Variants in ERBB4 observed in about 807,000 individuals in gnomAD.
The protein encoded by ERBB4 is receptor tyrosine-protein kinase erbB-4.
A neutral mutation model predicts 158.0 loss-of-function variants in ERBB4; 42 were observed. That is an observed-to-expected ratio of 0.27 (90% CI 0.21 to 0.34). The LOEUF (loss-of-function observed/expected upper bound fraction) is 0.34, where lower values mean the gene tolerates loss of function less well. Among genes scored for constraint, ERBB4 ranks in the 10% least tolerant of loss-of-function variants. The pLI is 1.00. For synonymous variants in ERBB4, 583 were observed against 558.7 expected (o/e 1.04, Z -0.61); for missense variants, 1,333 against 1,624.1 (o/e 0.82, Z 3.08).
chr2:212,512,835 C>G (rs1691601218), intron 1 of ERBB4, among the ~76,000 whole-genome samples: 1 of 152,186 alleles, frequency 6.6e-6, no homozygotes, highest in African/African-American at 2.4e-5. Flanking sequence ...AGAAAAGCCC[C>G]TAGCAGAACA....
intron 20 of ERBB4, among the ~76,000 whole-genome samples, chr2:211,477,988 G>A (rs940032907): frequency 6.6e-6 from 1 of 152,134 alleles, no homozygotes; most frequent in Non-Finnish European, 1.5e-5. Flanking sequence ...AACCAGTTAA[G>A]GCAATATTCC....
intron 2 of ERBB4, among the ~76,000 whole-genome samples, chr2:212,037,935 G>C (rs2077052436): frequency 6.6e-6 from 1 of 152,120 alleles, no homozygotes; most frequent in South Asian, 2.1e-4. Flanking sequence ...ATGATTCTTA[G>C]AATCTCAGGG....
At chr2:212,124,960 T>C (rs1415337014) in intron 1 of ERBB4, 57 bp from the exon 2 acceptor site, 4 of 1,567,820 alleles carry the variant, frequency 2.6e-6, no homozygotes, top group African/African-American at 1.4e-5. Context: ...ATATGCGCAA[T>C]GATAATATCT....
chr2:211,565,756 T>C (rs2067527581), intron 19 of ERBB4, among the ~76,000 whole-genome samples: 1 of 152,044 alleles, frequency 6.6e-6, no homozygotes, highest in African/African-American at 2.4e-5. Flanking sequence ...ACATTTTATT[T>C]TTTCAGTAAG....
Position 212,531,010 on chromosome 2 carries a change from T to C in ERBB4, c.82+7439A>G, listed in dbSNP as rs148453699. On this transcript the variant is annotated intron_variant, in intron 1 of 27. Transcript: ENST00000342788. Reference sequence around the variant, plus strand: ...GAAACTGGATCTTGCATATTCCTATTGGTGTTTAGTACGCTTCAGTAACCC... The same window carrying C: ...GAAACTGGATCTTGCATATTCCTATCGGTGTTTAGTACGCTTCAGTAACCC... 1.6e-3 allele frequency among the ~76,000 whole-genome samples: 239 copies of C among 152,318 alleles called. 3 individuals carry two copies. Among genetic ancestry groups the C allele is most frequent in the East Asian group, 9.8e-3 (51 of 5,182 alleles).
chr2:212,438,569 C>A (rs1431320536), intron 1 of ERBB4, among the ~76,000 whole-genome samples: 1 of 151,978 alleles, frequency 6.6e-6, no homozygotes, highest in Non-Finnish European at 1.5e-5. Flanking sequence ...TGAATAAACA[C>A]ATACATAAAA....
At chr2:211,493,161 AT>A (rs1210043136) in intron 20 of ERBB4, among the ~76,000 whole-genome samples, 1 of 151,958 alleles carries the variant, frequency 6.6e-6, no homozygotes, top group East Asian at 1.9e-4. Flanking sequence ...GCTTCGAACC[AT>A]TTTTTTCCTT....
chr2:211,658,443 G>A (rs577079304), intron 15 of ERBB4, among the ~76,000 whole-genome samples: 244 of 152,050 alleles, frequency 1.6e-3, no homozygotes, highest in African/African-American at 5.5e-3. Flanking sequence ...GATGCTCAAT[G>A]CTCATTAAAG....
chr2:211,920,117 CT>C (rs1380201668), intron 3 of ERBB4, among the ~76,000 whole-genome samples: 1 of 151,898 alleles, frequency 6.6e-6, no homozygotes, highest in Non-Finnish European at 1.5e-5. Context: ...AAAAATGCAA[CT>C]GACATAAGCA....
At position 211,743,565 on chromosome 2, in the gene ERBB4, T is replaced by G. The variant is rs576076607; in HGVS notation, c.622+7074A>C. Among the ~76,000 whole-genome samples, 3 of 152,328 alleles carry G rather than the reference T, an allele frequency of 2.0e-5. No homozygotes were observed. The South Asian group carries it at 6.2e-4, about 32-fold the overall frequency. ...ACTTTGTTTCTTTAATCATTATTAT[T>G]TATTTCTTAAACCTTAGTCTCTCTC... On this transcript the variant is annotated intron_variant, in intron 5 of 27. Transcript: ENST00000342788.
intron 3 of ERBB4, among the ~76,000 whole-genome samples, chr2:211,895,256 T>G (rs1242778702): frequency 6.6e-6 from 1 of 152,070 alleles, no homozygotes; most frequent in Non-Finnish European, 1.5e-5. Flanking sequence ...ATGGTCCCCT[T>G]ATCTTTTTTG....
intron 2 of ERBB4, among the ~76,000 whole-genome samples, chr2:212,021,359 G>C (rs994558690): frequency 6.6e-5 from 10 of 152,004 alleles, no homozygotes; most frequent in Non-Finnish European, 1.5e-4. Context: ...CATGGTACTG[G>C]TATAAAAACA....
intron 16 of ERBB4, among the ~76,000 whole-genome samples, chr2:211,652,463 T>C (rs1014075738): frequency 2.6e-5 from 4 of 152,124 alleles, no homozygotes; most frequent in African/African-American, 4.8e-5. Context: ...TGGACATGAG[T>C]TATGAACTTA....
At chr2:212,003,204 AG>A (rs1559293787) in intron 2 of ERBB4, among the ~76,000 whole-genome samples, 27 of 48,800 alleles carry the variant, frequency 5.5e-4, no homozygotes, top group African/African-American at 1.4e-3. Context: ...AAAGAAAGAA[AG>A]ACAGAAAGAA....
chr2:212,197,444 C>T (rs970412014), intron 1 of ERBB4, among the ~76,000 whole-genome samples: 1 of 152,094 alleles, frequency 6.6e-6, no homozygotes. Context: ...TTAACCCTAA[C>T]CACACACTTA....
chr2:212,335,855 C>T (rs980163246), intron 1 of ERBB4, among the ~76,000 whole-genome samples: 1 of 151,954 alleles, frequency 6.6e-6, no homozygotes, highest in African/African-American at 2.4e-5. Context: ...TTTTAATAGG[C>T]ATTTCATGAA....
chr2:211,975,029 G>T (rs1421500023), intron 2 of ERBB4, among the ~76,000 whole-genome samples: 1 of 151,836 alleles, frequency 6.6e-6, no homozygotes, highest in Non-Finnish European at 1.5e-5. Flanking sequence ...TGTCACTCAG[G>T]CTGGACTGCA....
intron 20 of ERBB4, among the ~76,000 whole-genome samples, chr2:211,497,173 AAT>A (rs2065490066): frequency 6.6e-6 from 1 of 152,098 alleles, no homozygotes; most frequent in Non-Finnish European, 1.5e-5. Flanking sequence ...ATTATAATTA[AAT>A]ATATGTTTTG....
At chr2:212,324,483 TTG>T (rs869056622) in intron 1 of ERBB4, among the ~76,000 whole-genome samples, 1,204 of 91,184 alleles carry the variant, frequency 0.013, 22 homozygotes, top group African/African-American at 0.03. Context: ...TTTTTTGTTT[TTG>T]TTTTTTTTTC....
Sources: allele counts gnomAD v4.1 joint callset (sites outside exome capture counted in the v4.1 genomes callset), GRCh38; gene constraint gnomAD v4.1.1; transcripts MANE v1.5; gene names NCBI Gene and HGNC (gene_info 2026-07-23, HGNC 2026-07-21).